The following WNT7B variants were observed in gnomAD, a reference collection of about 807,000 sequenced individuals.
WNT7B encodes protein Wnt-7b.
A neutral mutation model predicts 38.2 loss-of-function variants in WNT7B; 19 were observed. The observed-to-expected ratio is 0.50, with a 90% CI of 0.35 to 0.73. The LOEUF (loss-of-function observed/expected upper bound fraction) is 0.73, where lower values mean the gene tolerates loss of function less well. Among genes scored for constraint, WNT7B ranks in the 30% least tolerant of loss-of-function variants. The probability of loss-of-function intolerance (pLI) is 0.01; values close to 1 mark genes in which losing one functional copy is unlikely to be tolerated. For missense variants in WNT7B, 423 were observed against 507.9 expected (o/e 0.83, Z 1.61); for synonymous variants, 243 against 209.3 (o/e 1.16, Z -1.39).
At chr22:45,942,900 C>T (rs142876385) in intron 2 of WNT7B, among the ~76,000 whole-genome samples, 154 of 148,972 alleles carry the variant, frequency 1.0e-3, no homozygotes, top group Admixed American at 2.3e-3. Context: ...CGTGTGTGTG[C>T]GCGCGTGTGT....
chr22:45,967,625 G>A (rs895337337), intron 1 of WNT7B, among the ~76,000 whole-genome samples: 12 of 151,686 alleles, frequency 7.9e-5, no homozygotes, highest in African/African-American at 2.4e-4. Flanking sequence ...CAGAGCCTTG[G>A]TCCACACCCA....
Position 45,922,756 on chromosome 22 carries a change from T to G in WNT7B, c.*100A>C, listed in dbSNP as rs556884218. ...GGAGCTCCCCGCTTCTGCACCCGTC[T>G]ATGTCTGCTGCTGGCAGCACCAAGG... On this transcript the variant is annotated 3_prime_UTR_variant, in exon 4 of 4. Transcript: ENST00000339464. The G allele has an allele frequency of 6.6e-7, 1 of 1,517,194 alleles. No homozygotes were observed. Among genetic ancestry groups the G allele is most frequent in the African/African-American group, 1.4e-5 (1 of 72,632 alleles). 94.0% of individuals were successfully genotyped at this position (1,517,194 alleles called of 1,614,324 possible).
At chr22:45,955,130 G>A (rs1394436773) in intron 1 of WNT7B, among the ~76,000 whole-genome samples, 1 of 152,240 alleles carries the variant, frequency 6.6e-6, no homozygotes, top group African/African-American at 2.4e-5. Flanking sequence ...CATTCCAGGT[G>A]CACAGGCGGC....
chr22:45,972,260 G>C (rs1292159036), intron 1 of WNT7B: 1 of 624,930 alleles, frequency 1.6e-6, no homozygotes, highest in Admixed American at 2.6e-5. Context: ...TGCCTGGCGG[G>C]GCTGAACAGG....
intron 1 of WNT7B, among the ~76,000 whole-genome samples, chr22:45,973,394 C>G (rs1336529350): frequency 6.6e-6 from 1 of 152,152 alleles, no homozygotes. Flanking sequence ...GCGGTCTGGC[C>G]CGTCGTCCTG....
At chr22:45,928,500 C>T (rs58080414) in intron 3 of WNT7B, among the ~76,000 whole-genome samples, 10,469 of 150,738 alleles carry the variant, frequency 0.069, 435 homozygotes, top group Middle Eastern at 0.17. Context: ...AGGGCCCCAC[C>T]GGCCATCCGA....
rs750199942 is a variant in WNT7B, at chr22:45,922,833, C to G, written c.*23G>C. The G allele has an allele frequency of 6.3e-7, 1 of 1,574,870 alleles. No individual in the cohort carries two copies. Among genetic ancestry groups the G allele is most frequent in the Admixed American group, 1.7e-5 (1 of 57,838 alleles). Reference sequence around the variant, plus strand: ...AAATGCCGCCGGGTTCCAGGGTGCCCGCGGCCGCCTCCGGGCCTGGCCTCA... The same window carrying G: ...AAATGCCGCCGGGTTCCAGGGTGCCGGCGGCCGCCTCCGGGCCTGGCCTCA... On this transcript the variant is annotated 3_prime_UTR_variant, in exon 4 of 4. Coordinates refer to ENST00000339464, the MANE Select transcript of WNT7B (RefSeq NM_058238.3).
At chr22:45,950,285 C>A (rs1931901622) in intron 1 of WNT7B, 139 bp from the exon 2 acceptor site, 2 of 732,586 alleles carry the variant, frequency 2.7e-6, no homozygotes, top group East Asian at 2.7e-5. Flanking sequence ...CAGATCCCTG[C>A]CCTCAAGGGG....
At chr22:45,954,724 C>T (rs1932020794) in intron 1 of WNT7B, 1 of 985,302 alleles carries the variant, frequency 1.0e-6, no homozygotes. Context: ...AATTCAGAAA[C>T]AATTTCAAAA....
In WNT7B at chr22:45,922,951, T is replaced by G. The variant is rs1198737001; in HGVS notation, c.955A>C (p.Thr319Pro). The change falls in exon 4 of 4, where the codon ACC becomes CCC. Residue 319 changes from threonine to proline, a missense_variant. Coordinates refer to ENST00000339464, the MANE Select transcript of WNT7B (RefSeq NM_058238.3). The stretch of plus-strand genomic sequence containing the variant: ...TTGCAGTTGCACTGCCACACCTTGG[T>G]GTACTGGTGGGTGTTGTAGCCTCGG... The part of the protein sequence containing the change: ...CGRGYNTHQY[T>P]KVWQCNCKFH... The G allele has an allele frequency of 6.2e-7, 1 of 1,613,394 alleles. No homozygotes were observed. Among genetic ancestry groups the G allele is most frequent in the Non-Finnish European group, 8.5e-7 (1 of 1,179,828 alleles).
At chr22:45,972,108 C>CGGGGGGTGGGGGG in intron 1 of WNT7B, 1 of 579,230 alleles carries the variant, frequency 1.7e-6, no homozygotes, top group South Asian at 1.9e-5. Flanking sequence ...GCTGGAGGCC[C>CGGGGGGTGGGGGG]GGGGGGAGCC....
At chr22:45,972,181 A>G in intron 1 of WNT7B, 1 of 559,318 alleles carries the variant, frequency 1.8e-6, no homozygotes, top group Non-Finnish European at 3.3e-6. Flanking sequence ...ACAGGAGGAG[A>G]AAGATCTGCG....
rs1053104903 is a variant in WNT7B at position 45,975,359 on chromosome 22, C to T, written c.71+1325G>A. ...GCCCAGCAGGCTCAATGCCCCGCACCCCTCACCTCCATAAACAAACACCCA... is the reference window on the plus strand; with the variant it reads ...GCCCAGCAGGCTCAATGCCCCGCACTCCTCACCTCCATAAACAAACACCCA... On this transcript the variant is annotated intron_variant, in intron 1 of 3. Transcript: ENST00000339464. The surrounding 1 kb of genome is among the most constrained non-coding windows in gnomAD (Gnocchi z 6.6). Among the ~76,000 whole-genome samples, 6 of 152,046 alleles carry T rather than the reference C, an allele frequency of 3.9e-5. No individual in the cohort carries two copies. The highest frequency in any genetic ancestry group is 1.2e-4 in the African/African-American group (5 of 41,398).
At chr22:45,950,676 G>A (rs571541954) in intron 1 of WNT7B, among the ~76,000 whole-genome samples, 1 of 152,324 alleles carries the variant, frequency 6.6e-6, no homozygotes, top group Admixed American at 6.5e-5. Context: ...GCTCCGACCT[G>A]TGTGTAACTT....
chr22:45,972,116 G>GGGGGGGGGGCCCCCCCCCC, intron 1 of WNT7B: 5 of 530,734 alleles, frequency 9.4e-6, no homozygotes, highest in African/African-American at 2.1e-5. Flanking sequence ...CCCGGGGGGA[G>GGGGGGGGGGCCCCCCCCCC]CCCACCCGCC....
chr22:45,935,861 G>A (rs1931502115), intron 2 of WNT7B: 9 of 985,380 alleles, frequency 9.1e-6, no homozygotes, highest in Non-Finnish European at 9.6e-6. Flanking sequence ...TGCCCTAGAT[G>A]TGTGTGGTGA....
At position 45,975,469 on chromosome 22, in the gene WNT7B, T is replaced by C; in HGVS notation, c.71+1215A>G. 1 of 708,038 alleles carries C rather than the reference T, an allele frequency of 1.4e-6. No individual in the cohort carries two copies. Among genetic ancestry groups the C allele is most frequent in the Non-Finnish European group, 2.6e-6 (1 of 379,768 alleles). 43.9% of individuals were successfully genotyped at this position (708,038 alleles called of 1,614,324 possible). On this transcript the variant is annotated intron_variant, in intron 1 of 3. Coordinates refer to ENST00000339464, the MANE Select transcript of WNT7B (RefSeq NM_058238.3). The surrounding 1 kb of genome is among the most constrained non-coding windows in gnomAD (Gnocchi z 6.6). ...CCGCCCAGACCTGCAGGGCTCAGGC[T>C]AGGACGGGGGCTTCCAGTCCTGCCT...
chr22:45,935,455 G>T (rs1469825559), intron 2 of WNT7B, among the ~76,000 whole-genome samples: 1 of 152,192 alleles, frequency 6.6e-6, no homozygotes, highest in Non-Finnish European at 1.5e-5. Flanking sequence ...CCTGCCGCCT[G>T]CCCTGGGGGA....
intron 1 of WNT7B, among the ~76,000 whole-genome samples, chr22:45,964,709 A>G (rs1932274360): frequency 6.6e-6 from 1 of 151,938 alleles, no homozygotes; most frequent in South Asian, 2.1e-4. Context: ...GTGACCTGGG[A>G]GTTCACGGGG....
Sources: allele counts gnomAD v4.1 joint callset (sites outside exome capture counted in the v4.1 genomes callset), GRCh38; gene constraint gnomAD v4.1.1; non-coding constraint Gnocchi (gnomAD v3.1); transcripts MANE v1.5; gene names NCBI Gene and HGNC (gene_info 2026-07-23, HGNC 2026-07-21).